The following PIGF variants were observed in gnomAD, a reference collection of about 807,000 sequenced individuals.
The protein encoded by PIGF is phosphatidylinositol glycan anchor biosynthesis class F, also known as GPI ethanolamine phosphate transferase, stabilizing subunit.
Under a neutral mutation model 26.0 loss-of-function variants are expected in PIGF, and 23 were observed. That is an observed-to-expected ratio of 0.88 (90% confidence interval 0.64 to 1.25). The LOEUF (loss-of-function observed/expected upper bound fraction) is 1.25, where lower values mean the gene tolerates loss of function less well. Ranked by LOEUF, PIGF falls within the 50% of genes most tolerant of loss-of-function variation. The pLI is 0.00. For missense variants in PIGF, 278 were observed against 249.9 expected (o/e 1.11, Z -0.76); for synonymous variants, 93 against 92.6 (o/e 1.00, Z -0.03).
At chr2:46,604,310 A>C (rs551322406) in intron 4 of PIGF, among the ~76,000 whole-genome samples, 1 of 151,788 alleles carries the variant, frequency 6.6e-6, no homozygotes, top group Non-Finnish European at 1.5e-5. Flanking sequence ...TTCTCAAAAA[A>C]ACAAAAACAG....
intron 3 of PIGF, 99 bp downstream of exon 3, chr2:46,613,595 A>G: frequency 1.3e-6 from 1 of 782,370 alleles, no homozygotes; most frequent in Non-Finnish European, 2.0e-6. Context: ...TCTATTAATG[A>G]TGCACATCAT....
intron 5 of PIGF, among the ~76,000 whole-genome samples, chr2:46,587,428 G>A (rs573482196): frequency 1.4e-4 from 20 of 146,182 alleles, no homozygotes; most frequent in African/African-American, 3.3e-4. Context: ...GATTTCTAAC[G>A]TGGTAAAACT....
Position 46,615,116 on chromosome 2 carries a change from T to C in PIGF, c.49A>G (p.Ile17Val), listed in dbSNP as rs146029202. Residue 17 changes from isoleucine (I) to valine (V), a missense_variant, in exon 2 of 6, where the codon ATA becomes GTA. Coordinates refer to ENST00000281382, the MANE Select transcript of PIGF (RefSeq NM_002643.4). ...KRLLYTHLLC[I>V]FSIILSVFIP... ...AAGACACTTAGGATAATTGAAAATATGCATAAAAGATGGGTATACAGTAGT... is the reference window on the plus strand; with the variant it reads ...AAGACACTTAGGATAATTGAAAATACGCATAAAAGATGGGTATACAGTAGT... 1 of 1,583,568 alleles carries C rather than the reference T, an allele frequency of 6.3e-7. No individual in the cohort carries two copies.
chr2:46,603,519 C>T (rs375911557), intron 4 of PIGF, among the ~76,000 whole-genome samples: 430 of 152,080 alleles, frequency 2.8e-3, no homozygotes, highest in African/African-American at 9.9e-3. Flanking sequence ...GCACATAGAC[C>T]AATAGAACAA....
chr2:46,584,440 C>G (rs1237931668), intron 5 of PIGF, among the ~76,000 whole-genome samples: 1 of 152,126 alleles, frequency 6.6e-6, no homozygotes, highest in African/African-American at 2.4e-5. Context: ...ATTTGGGTTA[C>G]TAAATTGTAT....
chr2:46,602,807 C>G (rs1572778846), intron 4 of PIGF, among the ~76,000 whole-genome samples: 3 of 151,658 alleles, frequency 2.0e-5, no homozygotes. Flanking sequence ...GTACAATCTC[C>G]TTGAATAATA....
intron 4 of PIGF, among the ~76,000 whole-genome samples, chr2:46,597,461 G>A (rs1034462578): frequency 6.6e-6 from 1 of 151,434 alleles, no homozygotes; most frequent in Non-Finnish European, 1.5e-5. Flanking sequence ...CATCCAGGCT[G>A]GAGTGCAGTG....
At chr2:46,582,851 G>C (rs1669445197) in intron 5 of PIGF, 1 of 152,538 alleles carries the variant, frequency 6.6e-6, no homozygotes, top group Admixed American at 6.5e-5. Flanking sequence ...AGAGTGGAGA[G>C]AGTCTACTGG....
rs970173732 is a variant in PIGF at position 46,589,981 on chromosome 2, A to G, written c.546+2494T>C. ...AGATTTTTAATTATACATCAATTCT[A>G]TCATTCCCTCAACAATACATTTCAT... On this transcript the variant is annotated intron_variant, in intron 5 of 5. Coordinates refer to ENST00000281382, the MANE Select transcript of PIGF (RefSeq NM_002643.4). This position sits in a 1 kb window ranked among gnomAD's most constrained non-coding sequence, Gnocchi z 4.7. Among the ~76,000 whole-genome samples, 3 of 152,076 alleles carry G rather than the reference A, an allele frequency of 2.0e-5. No homozygotes were observed. Among genetic ancestry groups the G allele is most frequent in the Non-Finnish European group, 4.4e-5 (3 of 67,930 alleles).
At position 46,612,342 on chromosome 2, in the gene PIGF, A is replaced by C; in HGVS notation, c.323T>G (p.Leu108Trp). The change falls in exon 4 of 6, where the codon TTG (leucine) becomes TGG (tryptophan). Residue 108 changes from leucine to tryptophan, a missense_variant and splice_region_variant. Physicochemically the swap from Leu to Trp is moderately conservative, Grantham distance 61. Transcript: ENST00000281382. ...FVLYGAPLIE[L>W]ALETFLFAVI... ...TGCAAATAAAAATGTTTCCAATGCC[A>C]ACCTAGAAAAAAAAAAAGATTACTT... 1 of 1,199,144 alleles carries C rather than the reference A, an allele frequency of 8.3e-7. No homozygotes were observed. The highest frequency in any genetic ancestry group is 1.2e-6 in the Non-Finnish European group (1 of 856,688). The allele number at this position is 1,199,144 out of a possible 1,614,324, so 74.3% of individuals were successfully genotyped here.
intron 4 of PIGF, among the ~76,000 whole-genome samples, chr2:46,604,554 T>A (rs1332698262): frequency 6.6e-6 from 1 of 151,918 alleles, no homozygotes; most frequent in Non-Finnish European, 1.5e-5. Context: ...TTCCTGCCAT[T>A]TGCAACAATG....
chr2:46,591,568 G>T, intron 5 of PIGF: 1 of 939,010 alleles, frequency 1.1e-6, no homozygotes, highest in Non-Finnish European at 1.3e-6. Flanking sequence ...AGAAGCTATA[G>T]ATTCAAAGAT....
intron 4 of PIGF, among the ~76,000 whole-genome samples, chr2:46,609,444 T>A (rs1219367166): frequency 1.3e-5 from 2 of 152,222 alleles, no homozygotes; most frequent in Non-Finnish European, 2.9e-5. Context: ...TTTACTAGAG[T>A]AGACTAAATT....
At chr2:46,584,777 AAG>A (rs1427340821) in intron 5 of PIGF, among the ~76,000 whole-genome samples, 1 of 152,130 alleles carries the variant, frequency 6.6e-6, no homozygotes, top group South Asian at 2.1e-4. Flanking sequence ...ATTTTTTTAA[AAG>A]AGAATTTCTT....
intron 4 of PIGF, among the ~76,000 whole-genome samples, chr2:46,608,766 T>C (rs1480760886): frequency 1.3e-5 from 2 of 152,222 alleles, no homozygotes; most frequent in Non-Finnish European, 2.9e-5. Flanking sequence ...AGCAATATTT[T>C]GAAAGGATTT....
At chr2:46,615,810 A>T (rs1210230609) in intron 1 of PIGF, 1 of 152,232 alleles carries the variant, frequency 6.6e-6, no homozygotes, top group Admixed American at 6.5e-5. Context: ...AGAAATACCA[A>T]GATGACAACG....
intron 4 of PIGF, among the ~76,000 whole-genome samples, chr2:46,601,590 A>G (rs1670056115): frequency 6.6e-6 from 1 of 152,110 alleles, no homozygotes; most frequent in South Asian, 2.1e-4. Context: ...ACAAAATTCT[A>G]ATATAAATGT....
chr2:46,601,862 TTTTG>T (rs1171737884), intron 4 of PIGF, among the ~76,000 whole-genome samples: 1 of 151,994 alleles, frequency 6.6e-6, no homozygotes, highest in Admixed American at 6.6e-5. Context: ...TTGGCAAGAT[TTTTG>T]TTTAGTACTA....
At chr2:46,584,651 A>G (rs1425164233) in intron 5 of PIGF, among the ~76,000 whole-genome samples, 4 of 152,236 alleles carry the variant, frequency 2.6e-5, no homozygotes, top group Admixed American at 2.6e-4. Context: ...GCATGCCATC[A>G]GCAAATTAAA....
Sources: allele counts gnomAD v4.1 joint callset (sites outside exome capture counted in the v4.1 genomes callset), GRCh38; gene constraint gnomAD v4.1.1; non-coding constraint Gnocchi (gnomAD v3.1); transcripts MANE v1.5; gene names NCBI Gene and HGNC (gene_info 2026-07-23, HGNC 2026-07-21).